The following SAP30L variants were observed in gnomAD, a reference collection of about 807,000 sequenced individuals.
SAP30L encodes SAP30 like, also known as histone deacetylase complex subunit SAP30L.
A neutral mutation model predicts 22.3 loss-of-function variants in SAP30L; 10 were observed. That is an observed-to-expected ratio of 0.45 (90% CI 0.28 to 0.76). The LOEUF (loss-of-function observed/expected upper bound fraction) is 0.76, where lower values mean the gene tolerates loss of function less well. Among genes scored for constraint, SAP30L ranks in the 30% least tolerant of loss-of-function variants. The pLI, the probability that SAP30L is intolerant of heterozygous loss-of-function variation, is 0.14. For synonymous variants in SAP30L, 91 were observed against 94.1 expected, an observed-to-expected ratio of 0.97 and a Z score of 0.19; for missense variants, 206 against 237.9, an observed-to-expected ratio of 0.87 and a Z score of 0.88.
chr5:154,446,870 T>G, intron 1 of SAP30L, 65 bp downstream of exon 1: 2 of 1,425,580 alleles, frequency 1.4e-6, no homozygotes, highest in Non-Finnish European at 1.9e-6. Context: ...TGCCCTGGGC[T>G]CCAGTCGGGA....
At chr5:154,449,846 C>T (rs1416293498) in intron 1 of SAP30L, among the ~76,000 whole-genome samples, 1 of 152,182 alleles carries the variant, frequency 6.6e-6, no homozygotes, top group Non-Finnish European at 1.5e-5. Flanking sequence ...TATATTGGTA[C>T]ATCAACATTT....
chr5:154,453,939 C>T (rs886472614), intron 3 of SAP30L, among the ~76,000 whole-genome samples: 2 of 152,174 alleles, frequency 1.3e-5, no homozygotes, highest in African/African-American at 4.8e-5. Context: ...TGATCCTTCC[C>T]ACCTCAGCCT....
rs760797547 is a variant in SAP30L, at chr5:154,458,402, G to A, written c.*2374G>A. 2 of 152,240 alleles carry A rather than the reference G, an allele frequency of 1.3e-5. No homozygotes were observed. Among genetic ancestry groups the A allele is most frequent in the Non-Finnish European group, 2.9e-5 (2 of 68,074 alleles). 9.4% of individuals were successfully genotyped at this position (152,240 alleles called of 1,614,324 possible). A position where few individuals can be genotyped will look rare whatever the true frequency, so the allele number is the denominator to read the frequency against. Reference sequence around the variant, plus strand: ...GCCTTAGCCTCTTCTGCAGTTTCTGGTGGCTCTATCTGTGGGCAAGGGACT... The same window carrying A: ...GCCTTAGCCTCTTCTGCAGTTTCTGATGGCTCTATCTGTGGGCAAGGGACT... On this transcript the variant is annotated 3_prime_UTR_variant, in exon 4 of 4. Coordinates refer to ENST00000297109, the MANE Select transcript of SAP30L (RefSeq NM_024632.6).
In SAP30L at chr5:154,457,284, C is replaced by G. The variant is rs1477518955; in HGVS notation, c.*1256C>G. Reference sequence around the variant, plus strand: ...TCCAAAAATGTGCTTTTGCAAAATTCTTTAATCTGTGTAATGGAGGGCAGA... The same window carrying G: ...TCCAAAAATGTGCTTTTGCAAAATTGTTTAATCTGTGTAATGGAGGGCAGA... On this transcript the variant is annotated 3_prime_UTR_variant, in exon 4 of 4. Coordinates refer to ENST00000297109, the MANE Select transcript of SAP30L (RefSeq NM_024632.6). 2 of 152,126 alleles carry G rather than the reference C, an allele frequency of 1.3e-5. No homozygotes were observed. The highest frequency in any genetic ancestry group is 4.8e-5 in the African/African-American group (2 of 41,416). The allele number at this position is 152,126 out of a possible 1,614,324, so 9.4% of individuals were successfully genotyped here. A position where few individuals can be genotyped will look rare whatever the true frequency, so the allele number is the denominator to read the frequency against.
rs954901898 is a variant in SAP30L, at chr5:154,452,506, G to C, written c.325-896G>C. 8 of 984,842 alleles carry C rather than the reference G, an allele frequency of 8.1e-6. No homozygotes were observed. The African/African-American group carries it at 1.4e-4, about 17-fold the overall frequency. The allele number at this position is 984,842 out of a possible 1,614,324, so 61.0% of individuals were successfully genotyped here. ...ACAGCTCTTTTAGAGGCAGGTAAAG[G>C]CAGCCCAACTTTATGGGCCTTCAAT... is the stretch of plus-strand genomic sequence containing the variant. On this transcript the variant is annotated intron_variant, in intron 2 of 3. Transcript: ENST00000297109.
chr5:154,446,957 C>G (rs1437888644), intron 1 of SAP30L, 152 bp downstream of exon 1: 1 of 625,688 alleles, frequency 1.6e-6, no homozygotes, highest in Non-Finnish European at 2.7e-6. Context: ...TTTCAAAGGC[C>G]GCTCCAGCGC....
intron 2 of SAP30L, among the ~76,000 whole-genome samples, chr5:154,451,510 C>T (rs539215195): frequency 2.0e-5 from 3 of 152,026 alleles, no homozygotes; most frequent in Admixed American, 6.6e-5. Flanking sequence ...TTCTGCAAGA[C>T]GCCCCTGACG....
intron 1 of SAP30L, among the ~76,000 whole-genome samples, chr5:154,450,444 AC>A (rs1304559615): frequency 6.6e-6 from 1 of 152,206 alleles, no homozygotes; most frequent in Non-Finnish European, 1.5e-5. Context: ...TGTCCCAAAT[AC>A]CGTTGCAACA....
At chr5:154,448,340 G>T (rs1757069563) in intron 1 of SAP30L, among the ~76,000 whole-genome samples, 3 of 152,176 alleles carry the variant, frequency 2.0e-5, no homozygotes, top group Admixed American at 2.0e-4. Context: ...TAATACAGTT[G>T]CAGCTCTTGC....
chr5:154,451,278 G>A, intron 2 of SAP30L, 65 bp downstream of exon 2: 3 of 1,534,814 alleles, frequency 2.0e-6, no homozygotes, highest in Non-Finnish European at 2.6e-6. Flanking sequence ...TCTCACCTCT[G>A]GCCTGGTCTG....
At position 154,446,273 on chromosome 5, in the gene SAP30L, T is replaced by G; in HGVS notation, c.-332T>G. ...CCCGGAGTCCTTGGGGAGCGGCTGT[T>G]TCCTGGGACGCCCTCCCGGACACCC... is the stretch of plus-strand genomic sequence containing the variant. On this transcript the variant is annotated 5_prime_UTR_variant, in exon 1 of 4. Coordinates refer to ENST00000297109, the MANE Select transcript of SAP30L (RefSeq NM_024632.6). 2 of 246,028 alleles carry G rather than the reference T, an allele frequency of 8.1e-6. No individual in the cohort carries two copies. The highest frequency in any genetic ancestry group is 7.6e-5 in the East Asian group (1 of 13,126). The allele number at this position is 246,028 out of a possible 1,614,324, so 15.2% of individuals were successfully genotyped here.
rs542470931 is a variant in SAP30L at position 154,456,832 on chromosome 5, A to G, written c.*804A>G. On this transcript the variant is annotated 3_prime_UTR_variant, in exon 4 of 4. Transcript: ENST00000297109. Reference sequence around the variant, plus strand: ...GATACGGTCCCTTATGCACCCCACTATGCTTCACTCTTTGGGGTGCAGTTA... The same window carrying G: ...GATACGGTCCCTTATGCACCCCACTGTGCTTCACTCTTTGGGGTGCAGTTA... 2.6e-5 allele frequency: 4 copies of G among 152,214 alleles called. No homozygotes were observed. Among genetic ancestry groups the G allele is most frequent in the Non-Finnish European group, 4.4e-5 (3 of 68,036 alleles). 9.4% of individuals were successfully genotyped at this position (152,214 alleles called of 1,614,324 possible). A position where few individuals can be genotyped will look rare whatever the true frequency, so the allele number is the denominator to read the frequency against.
In SAP30L at chr5:154,457,425, A is replaced by T. The variant is rs1285229217; in HGVS notation, c.*1397A>T. On this transcript the variant is annotated 3_prime_UTR_variant, in exon 4 of 4. Transcript: ENST00000297109. ...TCCTACTCAGTTTCAATTCTGAGTTAATTTCTTAAGCCTTAAATAATAAGA... is the reference window on the plus strand; with the variant it reads ...TCCTACTCAGTTTCAATTCTGAGTTTATTTCTTAAGCCTTAAATAATAAGA... 1.3e-5 allele frequency: 2 copies of T among 152,232 alleles called. No homozygotes were observed. Among genetic ancestry groups the T allele is most frequent in the South Asian group, 2.1e-4 (1 of 4,834 alleles). The allele number at this position is 152,232 out of a possible 1,614,324, so 9.4% of individuals were successfully genotyped here.
In SAP30L at chr5:154,453,398, C is replaced by T. The variant is rs761070017; in HGVS notation, c.325-4C>T. 1.2e-6 allele frequency: 2 copies of T among 1,611,162 alleles called. No homozygotes were observed. Among genetic ancestry groups the T allele is most frequent in the South Asian group, 2.2e-5 (2 of 90,968 alleles). On this transcript the variant is annotated splice_region_variant and splice_polypyrimidine_tract_variant and intron_variant, in intron 2 of 3. Transcript: ENST00000297109. ...GGATAACATTTTTCTCCTCTTCTCC[C>T]TAGGTTGATCTGTTCCAGCTGCAGG...
rs1362213323 is a variant in SAP30L at position 154,446,027 on chromosome 5, G to GGGCGGCCC, written c.-577_-570dup. ...GCGGAGCGTTCGGCGGGCGGCGGCC[G>GGGCGGCCC]GGCGGCCCAGGGGCTGCCGCGGGAC... On this transcript the variant is annotated 5_prime_UTR_variant, in exon 1 of 4. Transcript: ENST00000297109. 2.0e-5 allele frequency: 3 copies of GGGCGGCCC among 152,834 alleles called. No homozygotes were observed. In the Admixed American group the frequency reaches 2.0e-4, roughly 10 times the overall value. 9.5% of individuals were successfully genotyped at this position (152,834 alleles called of 1,614,324 possible). A position where few individuals can be genotyped will look rare whatever the true frequency, so the allele number is the denominator to read the frequency against.
chr5:154,452,836 T>C (rs756023015), intron 2 of SAP30L, among the ~76,000 whole-genome samples: 14 of 152,174 alleles, frequency 9.2e-5, no homozygotes, highest in African/African-American at 1.2e-4. Flanking sequence ...TCTCCATCTT[T>C]GGTGTCCCTT....
intron 3 of SAP30L, 35 bp from the exon 4 acceptor site, chr5:154,455,865 G>A: frequency 6.3e-7 from 1 of 1,583,400 alleles, no homozygotes; most frequent in Admixed American, 1.9e-5. Context: ...ATTTGTGCAT[G>A]GTTTAAGGAA....
chr5:154,451,695 C>G (rs1345520456), intron 2 of SAP30L, among the ~76,000 whole-genome samples: 1 of 152,152 alleles, frequency 6.6e-6, no homozygotes, highest in African/African-American at 2.4e-5. Context: ...AGGCTGTTCC[C>G]AAGGATCCAT....
Position 154,446,361 on chromosome 5 carries a change from G to A in SAP30L, c.-244G>A, listed in dbSNP as rs1363054095. 12 of 383,894 alleles carry A rather than the reference G, an allele frequency of 3.1e-5. No homozygotes were observed. In the East Asian group the frequency reaches 4.8e-4, roughly 15 times the overall value. 23.8% of individuals were successfully genotyped at this position (383,894 alleles called of 1,614,324 possible). On this transcript the variant is annotated 5_prime_UTR_variant, in exon 1 of 4. Transcript: ENST00000297109. ...GCTCCTCCGGGTGACCCCCGGCGGG[G>A]CCCTGCGAGCCGCGGGAGCCGACCC... is the stretch of plus-strand genomic sequence containing the variant.
Sources: gnomAD v4.1 joint callset for allele counts (sites outside exome capture counted in the v4.1 genomes callset) on GRCh38, gnomAD v4.1.1 for gene constraint, MANE v1.5 for transcripts, NCBI Gene and HGNC (gene_info 2026-07-23, HGNC 2026-07-21) for gene names.